Variants in KIZ observed in about 807,000 individuals in gnomAD.
KIZ encodes kizuna centrosomal protein, also known as centrosomal protein kizuna.
A neutral mutation model predicts 79.6 loss-of-function variants in KIZ; 68 were observed. The observed-to-expected ratio is 0.85, with a 90% CI of 0.70 to 1.05. The LOEUF (loss-of-function observed/expected upper bound fraction) is 1.05, where lower values mean the gene tolerates loss of function less well. Ranked by LOEUF, KIZ falls within the 50% of genes least tolerant of loss-of-function variation. The pLI, the probability that KIZ is intolerant of heterozygous loss-of-function variation, is 0.00. For synonymous variants in KIZ, 280 were observed against 281.8 expected (o/e 0.99, Z 0.06); for missense variants, 797 against 800.4 (o/e 1.00, Z 0.05).
chr20:21,209,402 T>C (rs1405732678), intron 7 of KIZ, among the ~76,000 whole-genome samples: 1 of 152,242 alleles, frequency 6.6e-6, no homozygotes, highest in Non-Finnish European at 1.5e-5. Context: ...TGGAGAACTT[T>C]ATCACAGCAG....
chr20:21,127,260 G>A (rs2031541535), intron 1 of KIZ, among the ~76,000 whole-genome samples: 2 of 151,844 alleles, frequency 1.3e-5, no homozygotes, highest in African/African-American at 2.4e-5. Flanking sequence ...ACATGTCACC[G>A]CTCACCCATA....
chr20:21,171,651 G>A (rs1248576758), intron 6 of KIZ, among the ~76,000 whole-genome samples: 4 of 152,136 alleles, frequency 2.6e-5, no homozygotes, highest in African/African-American at 9.7e-5. Context: ...CACCATGTTG[G>A]CCAGGCCAGT....
chr20:21,165,231 T>C (rs189845859), intron 6 of KIZ, among the ~76,000 whole-genome samples: 27 of 152,296 alleles, frequency 1.8e-4, no homozygotes, highest in Middle Eastern at 3.4e-3. Flanking sequence ...TAGGAGCATA[T>C]GATCCAGAAT....
intron 6 of KIZ, among the ~76,000 whole-genome samples, chr20:21,172,152 A>G (rs1478532238): frequency 2.0e-5 from 3 of 152,206 alleles, no homozygotes; most frequent in Admixed American, 1.3e-4. Context: ...GTAGTTTTTT[A>G]TTAGTCTATA....
At chr20:21,141,957 T>C (rs1249985931) in intron 3 of KIZ, among the ~76,000 whole-genome samples, 2 of 151,112 alleles carry the variant, frequency 1.3e-5, no homozygotes, top group Non-Finnish European at 3.0e-5. Flanking sequence ...CTCCCTCTTA[T>C]CTCTCCCCTG....
At chr20:21,154,162 CT>C (rs1264939775) in intron 4 of KIZ, 8 of 152,230 alleles carry the variant, frequency 5.3e-5, no homozygotes, top group African/African-American at 1.9e-4. Context: ...CATTTCTGTT[CT>C]GCATTTAACT....
Position 21,232,820 on chromosome 20 carries a change from C to T in KIZ, c.1870C>T (p.Pro624Ser), listed in dbSNP as rs34269420. 1.7e-3 allele frequency: 2,599 copies of T among 1,519,858 alleles called. 42 individuals carry two copies. The African/African-American group carries it at 0.031, about 18-fold the overall frequency. 94.1% of individuals were successfully genotyped at this position (1,519,858 alleles called of 1,614,324 possible). A position where few individuals can be genotyped will look rare whatever the true frequency, so the allele number is the denominator to read the frequency against. Residue 624 changes from proline to serine, a missense_variant, in exon 11 of 13, where the codon CCT (proline) becomes TCT (serine). By Grantham distance (74) the Pro-to-Ser change is moderately conservative. Coordinates refer to ENST00000619189, the MANE Select transcript of KIZ (RefSeq NM_018474.6). ...TAGTTTTTCATCTAGTGAAGGAAGT[C>T]CTTTGTCAAGGTAAAGTTGTGAAAG... is the stretch of plus-strand genomic sequence containing the variant. ...EASFSSSEGS[P>S]LSRHENKKKP...
intron 3 of KIZ, among the ~76,000 whole-genome samples, chr20:21,145,306 G>A (rs202164206): frequency 1.3e-5 from 2 of 151,628 alleles, no homozygotes; most frequent in African/African-American, 4.8e-5. Context: ...TATATATAAA[G>A]ATTTTATTTC....
chr20:21,178,921 CACTT>C (rs61490197), intron 6 of KIZ, among the ~76,000 whole-genome samples: 14 of 152,158 alleles, frequency 9.2e-5, no homozygotes, highest in East Asian at 7.7e-4. Context: ...ATAAACATCT[CACTT>C]AGTTATGATT....
intron 1 of KIZ, 77 bp downstream of exon 1, chr20:21,126,281 CG>C: frequency 9.7e-7 from 1 of 1,028,780 alleles, no homozygotes; most frequent in Non-Finnish European, 1.3e-6. Flanking sequence ...TTTTCCTTCC[CG>C]CTCCCCCGTC....
chr20:21,202,009 C>T lies in KIZ; in HGVS notation c.1353-3482C>T, dbSNP rs2035618322. ...TGTACCTCCTTCAACAGCTCATTTTCCGTTTGACTTGGGCAAGTCAATTAA... is the reference window on the plus strand; with the variant it reads ...TGTACCTCCTTCAACAGCTCATTTTTCGTTTGACTTGGGCAAGTCAATTAA... On this transcript the variant is annotated intron_variant, in intron 6 of 12. Transcript: ENST00000619189. Among the ~76,000 whole-genome samples, 4 of 152,182 alleles carry T rather than the reference C, an allele frequency of 2.6e-5. No homozygotes were observed. The South Asian group carries it at 6.2e-4, about 24-fold the overall frequency.
chr20:21,180,253 TA>T, intron 6 of KIZ, among the ~76,000 whole-genome samples: 1 of 151,686 alleles, frequency 6.6e-6, no homozygotes, highest in South Asian at 2.1e-4. Context: ...TTTTTTTTTT[TA>T]ATAAGGAAAT....
At position 21,162,397 on chromosome 20, in the gene KIZ, T is replaced by C. The variant is rs1600418414; in HGVS notation, c.932T>C (p.Val311Ala). ...ATACTGACACGGGAACATATTGAAG[T>C]TGAGGAAAAAAGAGCCAGCCCGCCA... ...GEILTREHIE[V>A]EEKRASPPVS... The change falls in exon 5 of 13, where the codon GTT becomes GCT. Residue 311 changes from valine (V) to alanine (A), a missense_variant. Coordinates refer to ENST00000619189, the MANE Select transcript of KIZ (RefSeq NM_018474.6). The C allele has an allele frequency of 1.2e-6, 2 of 1,613,362 alleles. No homozygotes were observed. Among genetic ancestry groups the C allele is most frequent in the Non-Finnish European group, 1.7e-6 (2 of 1,179,594 alleles).
intron 3 of KIZ, among the ~76,000 whole-genome samples, chr20:21,142,456 T>C (rs756122980): frequency 7.2e-5 from 11 of 152,128 alleles, no homozygotes; most frequent in East Asian, 1.9e-4. Context: ...CATTCTGTTA[T>C]GGACCATGAA....
chr20:21,213,986 T>G (rs1308240724), intron 7 of KIZ: 1 of 152,662 alleles, frequency 6.6e-6, no homozygotes, highest in Non-Finnish European at 1.5e-5. Context: ...TTCTTCTCAG[T>G]GCATCCTCTT....
At chr20:21,134,834 T>G (rs2032084392) in intron 2 of KIZ, among the ~76,000 whole-genome samples, 1 of 151,866 alleles carries the variant, frequency 6.6e-6, no homozygotes, top group African/African-American at 2.4e-5. Context: ...ACCCGGCTAA[T>G]TTTTGTATTT....
rs984389138 is a variant in KIZ, at chr20:21,233,737, A to C, written c.1880+907A>C. Among the ~76,000 whole-genome samples the C allele has an allele frequency of 2.6e-5, 4 of 152,326 alleles. No individual in the cohort carries two copies. The East Asian group carries it at 7.7e-4, about 29-fold the overall frequency. ...AAATGCTGAATTTTTTAAATGAAAA[A>C]AATCCTATTTTTATTCATATTTTAT... On this transcript the variant is annotated intron_variant, in intron 11 of 12. Transcript: ENST00000619189.
intron 6 of KIZ, among the ~76,000 whole-genome samples, chr20:21,173,662 A>G (rs551735525): frequency 6.6e-6 from 1 of 151,750 alleles, no homozygotes; most frequent in East Asian, 1.9e-4. Flanking sequence ...TAGAAGGATG[A>G]CTCAAGGGTT....
chr20:21,167,238 CAACTCAGTTGAAGA>C (rs1373989410), intron 6 of KIZ, among the ~76,000 whole-genome samples: 12 of 152,292 alleles, frequency 7.9e-5, no homozygotes, highest in Admixed American at 7.8e-4. Context: ...AAAATTCATA[CAACTCAGTTGAAGA>C]ATTGGAAGCA....
Sources: gnomAD v4.1 joint callset for allele counts (sites outside exome capture counted in the v4.1 genomes callset) on GRCh38, gnomAD v4.1.1 for gene constraint, MANE v1.5 for transcripts, NCBI Gene and HGNC (gene_info 2026-07-23, HGNC 2026-07-21) for gene names.